The following ANKRD12 variants were observed in gnomAD, a reference collection of about 807,000 sequenced individuals.
ANKRD12 encodes the protein ankyrin repeat domain 12, also known as ankyrin repeat domain-containing protein 12.
Under a neutral mutation model 183.4 loss-of-function variants are expected in ANKRD12, and 85 were observed. That is an observed-to-expected ratio of 0.46 (90% CI 0.39 to 0.56). The LOEUF (loss-of-function observed/expected upper bound fraction) is 0.56. Ranked by LOEUF, ANKRD12 falls within the 20% of genes least tolerant of loss-of-function variation. The pLI, the probability that ANKRD12 is intolerant of heterozygous loss-of-function variation, is 0.00. For synonymous variants in ANKRD12, 914 were observed against 800.2 expected, an observed-to-expected ratio of 1.14 and a Z score of -2.40; for missense variants, 2,405 against 2,357.1, an observed-to-expected ratio of 1.02 and a Z score of -0.42.
chr18:9,221,425 A>T (rs1011551065), intron 7 of ANKRD12, among the ~76,000 whole-genome samples: 1 of 152,234 alleles, frequency 6.6e-6, no homozygotes, highest in Non-Finnish European at 1.5e-5. Flanking sequence ...CAGTGATATT[A>T]GCCTAAAGCA....
chr18:9,222,256 T>A (rs184573201), intron 8 of ANKRD12, among the ~76,000 whole-genome samples: 1 of 152,320 alleles, frequency 6.6e-6, no homozygotes, highest in East Asian at 1.9e-4. Flanking sequence ...TCATTATTAC[T>A]TTTAAGCCTG....
chr18:9,163,511 C>A (rs57896272), intron 1 of ANKRD12, among the ~76,000 whole-genome samples: 1 of 152,092 alleles, frequency 6.6e-6, no homozygotes, highest in Non-Finnish European at 1.5e-5. Flanking sequence ...CTTGGCTATA[C>A]GGGCTCTTTT....
At chr18:9,252,456 A>G (rs1206309367) in intron 8 of ANKRD12, among the ~76,000 whole-genome samples, 3 of 152,092 alleles carry the variant, frequency 2.0e-5, no homozygotes, top group African/African-American at 7.2e-5. Context: ...ACCTGTAGAA[A>G]TTTCTCCACT....
intron 1 of ANKRD12, among the ~76,000 whole-genome samples, chr18:9,168,271 T>C (rs2032298281): frequency 1.3e-5 from 2 of 152,350 alleles, no homozygotes; most frequent in Middle Eastern, 6.8e-3. Context: ...TTTCTATTGA[T>C]TGGAATAATT....
chr18:9,152,304 A>T (rs1370836014), intron 1 of ANKRD12, among the ~76,000 whole-genome samples: 1 of 151,474 alleles, frequency 6.6e-6, no homozygotes, highest in African/African-American at 2.4e-5. Flanking sequence ...AAATAAAAAG[A>T]TACCTTTAGT....
In ANKRD12 at chr18:9,218,927, T is replaced by C. The variant is rs149712812; in HGVS notation, c.795+2027T>C. ...CCTCCTGCCTCAGGCTCCCAAAGCGTTGGGATTATGGGCATTAGCCACCGG... is the reference window on the plus strand; with the variant it reads ...CCTCCTGCCTCAGGCTCCCAAAGCGCTGGGATTATGGGCATTAGCCACCGG... On this transcript the variant is annotated intron_variant, in intron 7 of 12. Coordinates refer to ENST00000262126, the MANE Select transcript of ANKRD12 (RefSeq NM_015208.5). Among the ~76,000 whole-genome samples the C allele has an allele frequency of 6.8e-3, 1,037 of 152,236 alleles. 10 individuals are homozygous for C. The highest frequency in any genetic ancestry group is 0.023 in the African/African-American group (959 of 41,542).
In ANKRD12 at chr18:9,225,204, G is replaced by T. The variant is rs1395274684; in HGVS notation, c.943+3205G>T. Among the ~76,000 whole-genome samples the T allele has an allele frequency of 4.0e-5, 2 of 49,586 alleles. 1 individual carries two copies. The allele number at this position is 49,586 out of a possible 152,430, so 32.5% of individuals were successfully genotyped here. A position where few individuals can be genotyped will look rare whatever the true frequency, so the allele number is the denominator to read the frequency against. ...AAGTATTAATTTGGCCAGGCACAGTGACTTATGCCTGTAATCCCAGCACTT... is the reference window on the plus strand; with the variant it reads ...AAGTATTAATTTGGCCAGGCACAGTTACTTATGCCTGTAATCCCAGCACTT... On this transcript the variant is annotated intron_variant, in intron 8 of 12. Coordinates refer to ENST00000262126, the MANE Select transcript of ANKRD12 (RefSeq NM_015208.5).
At chr18:9,218,329 G>A (rs1333770226) in intron 7 of ANKRD12, among the ~76,000 whole-genome samples, 2 of 152,182 alleles carry the variant, frequency 1.3e-5, no homozygotes, top group Non-Finnish European at 2.9e-5. Flanking sequence ...GCCTAGGATA[G>A]TAGGAGTCAC....
Position 9,157,276 on chromosome 18 carries a change from C to T in ANKRD12, c.-52+20311C>T, listed in dbSNP as rs542535242. On this transcript the variant is annotated intron_variant, in intron 1 of 12. Coordinates refer to ENST00000262126, the MANE Select transcript of ANKRD12 (RefSeq NM_015208.5). The stretch of plus-strand genomic sequence containing the variant: ...TACGGTTGAACAAAATAACATGAAG[C>T]CTATTTTATAATAAAGTGTTGATCA... Among the ~76,000 whole-genome samples the T allele has an allele frequency of 1.3e-3, 195 of 152,162 alleles. 5 individuals carry two copies. Among genetic ancestry groups the T allele is most frequent in the Admixed American group, 0.013 (194 of 15,258 alleles).
intron 2 of ANKRD12, among the ~76,000 whole-genome samples, chr18:9,184,477 T>C (rs1431960460): frequency 2.6e-5 from 4 of 152,002 alleles, no homozygotes; most frequent in Non-Finnish European, 5.9e-5. Context: ...ACTGCAGCCT[T>C]GACCTCCCAG....
Position 9,216,647 on chromosome 18 carries a change from T to C in ANKRD12, c.653-111T>C, listed in dbSNP as rs2036125220. 7 of 1,058,300 alleles carry C rather than the reference T, an allele frequency of 6.6e-6. No individual in the cohort carries two copies. The South Asian group carries it at 1.2e-4, about 18-fold the overall frequency. The allele number at this position is 1,058,300 out of a possible 1,614,324, so 65.6% of individuals were successfully genotyped here. ...AGCTTCTTCATCACTCCTTTTTTTT[T>C]GCACGATGTGCAGTTTTAGAATTTA... On this transcript the variant is annotated intron_variant, in intron 6 of 12. Coordinates refer to ENST00000262126, the MANE Select transcript of ANKRD12 (RefSeq NM_015208.5).
At chr18:9,279,391 A>G (rs746139588) in intron 11 of ANKRD12, among the ~76,000 whole-genome samples, 158 bp from the exon 12 acceptor site, 4 of 152,210 alleles carry the variant, frequency 2.6e-5, no homozygotes, top group Non-Finnish European at 5.9e-5. Context: ...ATGTGGAAAT[A>G]AAAGTTTTAC....
intron 8 of ANKRD12, among the ~76,000 whole-genome samples, chr18:9,246,099 G>T (rs111255526): frequency 3.9e-5 from 6 of 152,280 alleles, no homozygotes; most frequent in African/African-American, 1.4e-4. Flanking sequence ...CATAAGTACA[G>T]TACTCATTTT....
At chr18:9,249,949 G>A (rs1335409407) in intron 8 of ANKRD12, among the ~76,000 whole-genome samples, 1 of 152,164 alleles carries the variant, frequency 6.6e-6, no homozygotes, top group African/African-American at 2.4e-5. Flanking sequence ...AACACACTGT[G>A]AAATCAGACA....
intron 9 of ANKRD12, among the ~76,000 whole-genome samples, chr18:9,262,265 G>T (rs1174022094): frequency 6.6e-6 from 1 of 152,160 alleles, no homozygotes; most frequent in African/African-American, 2.4e-5. Context: ...CTTTCATGTG[G>T]AATTGACTGT....
intron 9 of ANKRD12, 60 bp downstream of exon 9, chr18:9,258,991 A>G (rs2038802654): frequency 6.7e-7 from 1 of 1,484,462 alleles, no homozygotes. Context: ...GTATAATGCT[A>G]GCCACATACG....
In ANKRD12 at chr18:9,160,648, C is replaced by G. The variant is rs73392317; in HGVS notation, c.-51-21734C>G. Among the ~76,000 whole-genome samples the G allele has an allele frequency of 5.4e-3, 815 of 152,284 alleles. 5 individuals carry two copies. The highest frequency in any genetic ancestry group is 0.019 in the African/African-American group (769 of 41,540). On this transcript the variant is annotated intron_variant, in intron 1 of 12. Transcript: ENST00000262126. ...CGATTCAGTAGCTCTGAAAATGAAG[C>G]TAGGGATCTGTATCTTTTTTAAAAA...
At chr18:9,268,725 T>A (rs9748485) in intron 10 of ANKRD12, among the ~76,000 whole-genome samples, 11,220 of 152,088 alleles carry the variant, frequency 0.074, 427 homozygotes, top group African/African-American at 0.083. Context: ...ACAGGCATGC[T>A]CTCTCTCACC....
chr18:9,162,766 C>T (rs1226711754), intron 1 of ANKRD12, among the ~76,000 whole-genome samples: 1 of 151,936 alleles, frequency 6.6e-6, no homozygotes, highest in Non-Finnish European at 1.5e-5. Flanking sequence ...GATGGTATCT[C>T]ATTGTGGTTT....
Sources: gnomAD v4.1 joint callset for allele counts (sites outside exome capture counted in the v4.1 genomes callset) on GRCh38, gnomAD v4.1.1 for gene constraint, MANE v1.5 for transcripts, NCBI Gene and HGNC (gene_info 2026-07-23, HGNC 2026-07-21) for gene names.